The following KCNMA1 variants were observed in gnomAD, a reference collection of about 807,000 sequenced individuals.
The protein encoded by KCNMA1 is potassium calcium-activated channel subfamily M alpha 1.
Under a neutral mutation model 140.0 loss-of-function variants are expected in KCNMA1, and 29 were observed. That is an observed-to-expected ratio of 0.21 (90% CI 0.15 to 0.28). The LOEUF (loss-of-function observed/expected upper bound fraction) is 0.28, where lower values mean the gene tolerates loss of function less well. KCNMA1 is among the 10% of genes least tolerant of loss of function. KCNMA1 has a pLI of 1.00. For missense variants in KCNMA1, 880 were observed against 1,602.2 expected (o/e 0.55, Z 7.70); for synonymous variants, 612 against 611.9 (o/e 1.00, Z 0.00).
At chr10:77,470,870 A>G (rs1198591709) in intron 1 of KCNMA1, among the ~76,000 whole-genome samples, 3 of 152,162 alleles carry the variant, frequency 2.0e-5, no homozygotes, top group Admixed American at 6.5e-5. Context: ...CTTGAGCTAA[A>G]TCAAGCACAA....
chr10:77,330,548 T>A (rs938303036), intron 2 of KCNMA1, among the ~76,000 whole-genome samples: 6 of 152,170 alleles, frequency 3.9e-5, no homozygotes, highest in African/African-American at 1.4e-4. Context: ...GAACTCACAA[T>A]AATTTCGTAA....
chr10:77,302,065 A>G (rs1033978886), intron 2 of KCNMA1, among the ~76,000 whole-genome samples: 1 of 152,026 alleles, frequency 6.6e-6, no homozygotes, highest in Non-Finnish European at 1.5e-5. Flanking sequence ...TACACATGCC[A>G]TCTCCTTTAA....
At chr10:77,346,651 C>A (rs1250770216) in intron 2 of KCNMA1, among the ~76,000 whole-genome samples, 2 of 152,180 alleles carry the variant, frequency 1.3e-5, no homozygotes, top group Admixed American at 1.3e-4. Flanking sequence ...GTCACCTTGA[C>A]TGTTAAATAA....
intron 1 of KCNMA1, among the ~76,000 whole-genome samples, chr10:77,434,161 G>T (rs1280375812): frequency 2.6e-5 from 4 of 152,200 alleles, no homozygotes; most frequent in African/African-American, 9.7e-5. Context: ...TCAGGCCAGC[G>T]CTACAGCCTG....
At chr10:76,990,581 C>G (rs1003577323) in intron 19 of KCNMA1, among the ~76,000 whole-genome samples, 1 of 152,216 alleles carries the variant, frequency 6.6e-6, no homozygotes, top group African/African-American at 2.4e-5. Flanking sequence ...GTGACATGAC[C>G]TGAGCCCCTT....
chr10:77,184,542 A>G lies in KCNMA1; in HGVS notation c.696+281T>C, dbSNP rs34536108. Among the ~76,000 whole-genome samples the G allele has an allele frequency of 0.22, 33,509 of 152,182 alleles. 4,368 individuals carry two copies. The highest frequency in any genetic ancestry group is 0.29 in the Middle Eastern group (85 of 294). ...CTATTTCTATTTAATTTTTAAGGGA[A>G]CAGGGCATTATGTGAATAGAGAGAT... is the stretch of plus-strand genomic sequence containing the variant. On this transcript the variant is annotated intron_variant, in intron 4 of 27. Transcript: ENST00000286628.
intron 1 of KCNMA1, 95 bp downstream of exon 1, chr10:77,637,170 G>A (rs2093841323): frequency 7.8e-7 from 1 of 1,285,554 alleles, no homozygotes; most frequent in Non-Finnish European, 1.1e-6. Context: ...GATGGAGGGA[G>A]GCACGGCGCG....
intron 3 of KCNMA1, among the ~76,000 whole-genome samples, chr10:77,187,651 C>G (rs1417565493): frequency 6.6e-6 from 1 of 152,132 alleles, no homozygotes; most frequent in Non-Finnish European, 1.5e-5. Context: ...TATGAGGGGG[C>G]AGGGGGCAGG....
Position 77,392,568 on chromosome 10 carries a change from G to A in KCNMA1, c.540+11294C>T, listed in dbSNP as rs2095872518. On this transcript the variant is annotated intron_variant, in intron 2 of 27. Transcript: ENST00000286628. ...TCAACACTTTGGATGACTGCACTTT[G>A]CAGCTTTTGCTGAATGAACCAACAT... 2.0e-5 allele frequency among the ~76,000 whole-genome samples: 3 copies of A among 152,212 alleles called. No individual in the cohort carries two copies. The South Asian group carries it at 6.2e-4, about 32-fold the overall frequency.
At chr10:77,492,529 G>T (rs1429779129) in intron 1 of KCNMA1, among the ~76,000 whole-genome samples, 1 of 152,168 alleles carries the variant, frequency 6.6e-6, no homozygotes, top group Non-Finnish European at 1.5e-5. Flanking sequence ...ATCCTAGCTG[G>T]TATCATCATC....
intron 2 of KCNMA1, among the ~76,000 whole-genome samples, chr10:77,282,797 C>T (rs1158705809): frequency 6.6e-6 from 1 of 152,122 alleles, no homozygotes; most frequent in Non-Finnish European, 1.5e-5. Flanking sequence ...TCCCCTTGAG[C>T]CCAGGAGTTC....
intron 14 of KCNMA1, among the ~76,000 whole-genome samples, chr10:77,053,287 C>T (rs1482211761): frequency 6.6e-6 from 1 of 152,218 alleles, no homozygotes; most frequent in Non-Finnish European, 1.5e-5. Flanking sequence ...AGAGCTCTCC[C>T]TGGGCAAAGC....
intron 1 of KCNMA1, among the ~76,000 whole-genome samples, chr10:77,474,793 G>A (rs141978108): frequency 1.4e-4 from 22 of 152,314 alleles, no homozygotes; most frequent in Non-Finnish European, 2.9e-4. Flanking sequence ...GAGAGCTGGT[G>A]GGTTTAGCCA....
chr10:77,566,453 A>T lies in KCNMA1; in HGVS notation c.378+70812T>A, dbSNP rs763605996. Among the ~76,000 whole-genome samples the T allele has an allele frequency of 3.9e-5, 6 of 152,198 alleles. No individual in the cohort carries two copies. In the South Asian group the frequency reaches 1.2e-3, roughly 32 times the overall value. ...TCCTGATGCTGGCTGCAGCTGTCCCACGGAAGGCCAGTGATGTCATCAGCA... is the reference window on the plus strand; with the variant it reads ...TCCTGATGCTGGCTGCAGCTGTCCCTCGGAAGGCCAGTGATGTCATCAGCA... On this transcript the variant is annotated intron_variant, in intron 1 of 27. Coordinates refer to ENST00000286628, the MANE Select transcript of KCNMA1 (RefSeq NM_001161352.2).
rs780469504 is a variant in KCNMA1 at position 77,158,113 on chromosome 10, C to T, written c.808+25308G>A. Among the ~76,000 whole-genome samples, 62 of 152,104 alleles carry T rather than the reference C, an allele frequency of 4.1e-4. 1 individual carries two copies. Among genetic ancestry groups the T allele is most frequent in the Non-Finnish European group, 5.9e-4 (40 of 68,020 alleles). ...AAATAATCAGGAATAAGTGGAAAGA[C>T]AGAAATGAAACTGAACAAAAGAAAA... On this transcript the variant is annotated intron_variant, in intron 5 of 27. Coordinates refer to ENST00000286628, the MANE Select transcript of KCNMA1 (RefSeq NM_001161352.2).
chr10:77,538,041 C>G (rs888861454), intron 1 of KCNMA1, among the ~76,000 whole-genome samples: 7 of 151,766 alleles, frequency 4.6e-5, no homozygotes, highest in African/African-American at 9.7e-5. Flanking sequence ...CACACACACT[C>G]TCATATTCAC....
intron 23 of KCNMA1, among the ~76,000 whole-genome samples, chr10:76,919,538 C>G (rs919324963): frequency 6.6e-6 from 1 of 152,092 alleles, no homozygotes; most frequent in African/African-American, 2.4e-5. Context: ...ATTTTCATTT[C>G]TTTGAACTTC....
At chr10:76,999,195 T>A (rs915733993) in intron 19 of KCNMA1, among the ~76,000 whole-genome samples, 4 of 152,216 alleles carry the variant, frequency 2.6e-5, no homozygotes, top group African/African-American at 7.2e-5. Flanking sequence ...ATTGCACAGC[T>A]GAGAAATCCC....
At chr10:77,349,567 G>C (rs1184534203) in intron 2 of KCNMA1, among the ~76,000 whole-genome samples, 2 of 152,204 alleles carry the variant, frequency 1.3e-5, no homozygotes, top group South Asian at 4.1e-4. Context: ...ACTGAGGTTA[G>C]GAAATGAACT....
Sources: allele counts gnomAD v4.1 joint callset (sites outside exome capture counted in the v4.1 genomes callset), GRCh38; gene constraint gnomAD v4.1.1; transcripts MANE v1.5; gene names NCBI Gene and HGNC (gene_info 2026-07-23, HGNC 2026-07-21).